Variants in LPP observed in about 807,000 individuals in gnomAD.
LPP encodes the protein LIM domain containing preferred translocation partner in lipoma.
Under a neutral mutation model 60.4 loss-of-function variants are expected in LPP, and 38 were observed. The observed-to-expected ratio is 0.63, with a 90% CI of 0.49 to 0.83. LPP has a LOEUF of 0.83. Ranked by LOEUF, LPP falls within the 40% of genes least tolerant of loss-of-function variation. The pLI is 0.00. For synonymous variants in LPP, 328 were observed against 290.8 expected, an observed-to-expected ratio of 1.13 and a Z score of -1.30; for missense variants, 902 against 783.6, an observed-to-expected ratio of 1.15 and a Z score of -1.80.
Position 188,609,996 on chromosome 3 carries a change from G to A in LPP, c.1113+152G>A. On this transcript the variant is annotated intron_variant, in intron 7 of 11. Coordinates refer to ENST00000617246, the MANE Select transcript of LPP (RefSeq NM_001375462.1). The surrounding 1 kb of genome is among the most constrained non-coding windows in gnomAD (Gnocchi z 6.9). The stretch of plus-strand genomic sequence containing the variant: ...GGGAAGGATGAGTGAAGCCAGAGAG[G>A]AGAGAGAGACTACTTAGTATGTTAC... The A allele has an allele frequency of 1.4e-6, 1 of 738,022 alleles. No homozygotes were observed. Among genetic ancestry groups the A allele is most frequent in the African/African-American group, 1.8e-5 (1 of 56,180 alleles). The allele number at this position is 738,022 out of a possible 1,614,324, so 45.7% of individuals were successfully genotyped here. A position where few individuals can be genotyped will look rare whatever the true frequency, so the allele number is the denominator to read the frequency against.
At chr3:188,271,264 C>T (rs1213097464) in intron 2 of LPP, among the ~76,000 whole-genome samples, 1 of 152,140 alleles carries the variant, frequency 6.6e-6, no homozygotes, top group African/African-American at 2.4e-5. Context: ...TTCACTTGCC[C>T]CTCTTATTGT....
In LPP at chr3:188,285,387, T is replaced by C. The variant is rs576171294; in HGVS notation, c.-66-56276T>C. ...CTTTTGCAGGGTGGGGTGTCTTGGA[T>C]AGTATGGTTACTGAATGTAGAATCT... On this transcript the variant is annotated intron_variant, in intron 2 of 11. Coordinates refer to ENST00000617246, the MANE Select transcript of LPP (RefSeq NM_001375462.1). Among the ~76,000 whole-genome samples the C allele has an allele frequency of 3.3e-5, 5 of 152,240 alleles. No homozygotes were observed. The South Asian group carries it at 8.3e-4, about 25-fold the overall frequency.
chr3:188,787,844 CT>C (rs1287657166), intron 9 of LPP, among the ~76,000 whole-genome samples: 1 of 152,200 alleles, frequency 6.6e-6, no homozygotes, highest in East Asian at 1.9e-4. Context: ...CATCTGTGTG[CT>C]GAGAACTCTC....
chr3:188,783,026 A>G (rs1740321082), intron 9 of LPP, among the ~76,000 whole-genome samples: 1 of 152,146 alleles, frequency 6.6e-6, no homozygotes, highest in Non-Finnish European at 1.5e-5. Context: ...CTATCAGATT[A>G]TCAGTTGCCA....
intron 3 of LPP, among the ~76,000 whole-genome samples, chr3:188,374,880 C>T (rs1774485927): frequency 6.6e-6 from 1 of 151,954 alleles, no homozygotes; most frequent in African/African-American, 2.4e-5. Context: ...AGATACGTCC[C>T]ATCAATACCT....
intron 2 of LPP, among the ~76,000 whole-genome samples, chr3:188,311,894 T>C (rs1355314910): frequency 6.6e-6 from 1 of 152,098 alleles, no homozygotes; most frequent in East Asian, 1.9e-4. Flanking sequence ...CTGCCTCGAC[T>C]TCCCAAAGTG....
At chr3:188,530,991 G>A (rs1183678591) in intron 6 of LPP, among the ~76,000 whole-genome samples, 1 of 152,150 alleles carries the variant, frequency 6.6e-6, no homozygotes, top group Non-Finnish European at 1.5e-5. Flanking sequence ...TTTTATCAGA[G>A]TTAGGGTACA....
In LPP at chr3:188,592,563, T is replaced by TTTTTTTTTTTTTTTTTTTTGGAG; in HGVS notation, c.430-16598_430-16597insTTTTTTTTTTTTTTTTTTTGGAG. ...TGTTTTTAGTTTTGTTTTTGTTTTTTAAATGGAGTCTCACTCTTTCTCCCA... is the reference window on the plus strand; with the variant it reads ...TGTTTTTAGTTTTGTTTTTGTTTTTTTTTTTTTTTTTTTTTTTTTGGAGAAATGGAGTCTCACTCTTTCTCCCA... On this transcript the variant is annotated intron_variant, in intron 6 of 11. Coordinates refer to ENST00000617246, the MANE Select transcript of LPP (RefSeq NM_001375462.1). Among the ~76,000 whole-genome samples, 4 of 77,226 alleles carry TTTTTTTTTTTTTTTTTTTTGGAG rather than the reference T, an allele frequency of 5.2e-5. 1 individual carries two copies. The highest frequency in any genetic ancestry group is 9.4e-5 in the African/African-American group (2 of 21,344). 50.7% of individuals were successfully genotyped at this position (77,226 alleles called of 152,430 possible).
rs114238269 is a variant in LPP, at chr3:188,390,445, C to T, written c.-9-15667C>T. On this transcript the variant is annotated intron_variant, in intron 3 of 11. Coordinates refer to ENST00000617246, the MANE Select transcript of LPP (RefSeq NM_001375462.1). ...CTCTGCTATTTACAAAATGCTCTTA[C>T]GTTTAGTATTTCACTTGATCAGCAT... Among the ~76,000 whole-genome samples the T allele has an allele frequency of 7.6e-3, 1,149 of 151,972 alleles. 11 individuals are homozygous for T. Among genetic ancestry groups the T allele is most frequent in the African/African-American group, 0.026 (1,077 of 41,442 alleles).
At chr3:188,811,378 A>ACACACACACG (rs1560237097) in intron 9 of LPP, among the ~76,000 whole-genome samples, 1 of 147,454 alleles carries the variant, frequency 6.8e-6, no homozygotes, top group African/African-American at 2.6e-5. Context: ...ACACACACAC[A>ACACACACACG]CACACACGCA....
At chr3:188,770,743 G>A (rs575820299) in intron 9 of LPP, among the ~76,000 whole-genome samples, 49 of 152,264 alleles carry the variant, frequency 3.2e-4, no homozygotes, top group African/African-American at 1.2e-3. Context: ...ACGTAGTGGG[G>A]TTGGTATGAG....
intron 4 of LPP, among the ~76,000 whole-genome samples, chr3:188,459,440 C>A (rs1798490296): frequency 6.6e-6 from 1 of 152,138 alleles, no homozygotes; most frequent in South Asian, 2.1e-4. Context: ...CAGCTGAGTT[C>A]TTGGTATCAC....
intron 4 of LPP, among the ~76,000 whole-genome samples, chr3:188,459,196 C>G (rs747790141): frequency 3.3e-5 from 5 of 152,120 alleles, no homozygotes; most frequent in Admixed American, 6.5e-5. Context: ...ACAGAGACTT[C>G]CGCCATTCCC....
chr3:188,611,012 G>C (rs1458921941), intron 7 of LPP, among the ~76,000 whole-genome samples: 1 of 152,174 alleles, frequency 6.6e-6, no homozygotes, highest in African/African-American at 2.4e-5. Flanking sequence ...TTTCAAGACA[G>C]ATCTATTCAC....
rs186211831 is a variant in LPP at position 188,547,437 on chromosome 3, A to G, written c.429+22650A>G. On this transcript the variant is annotated intron_variant, in intron 6 of 11. Coordinates refer to ENST00000617246, the MANE Select transcript of LPP (RefSeq NM_001375462.1). ...AACCCCTCAGGATAAAATCACACCAACCGTAAGTTACTTAGGCTCTCCAAG... is the reference window on the plus strand; with the variant it reads ...AACCCCTCAGGATAAAATCACACCAGCCGTAAGTTACTTAGGCTCTCCAAG... Among the ~76,000 whole-genome samples, 337 of 152,108 alleles carry G rather than the reference A, an allele frequency of 2.2e-3. 1 individual carries two copies. Among genetic ancestry groups the G allele is most frequent in the Non-Finnish European group, 3.8e-3 (257 of 67,986 alleles).
chr3:188,184,514 C>T (rs1725998956), intron 1 of LPP, among the ~76,000 whole-genome samples: 1 of 152,076 alleles, frequency 6.6e-6, no homozygotes, highest in Admixed American at 6.6e-5. Context: ...TTGAACTGGG[C>T]TTTGAAGGCT....
At chr3:188,219,672 T>C (rs1053182459) in intron 1 of LPP, among the ~76,000 whole-genome samples, 1 of 152,208 alleles carries the variant, frequency 6.6e-6, no homozygotes, top group African/African-American at 2.4e-5. Flanking sequence ...CTGCCCCTGG[T>C]ATCCAGGACC....
intron 2 of LPP, among the ~76,000 whole-genome samples, chr3:188,271,178 T>G: frequency 6.6e-6 from 1 of 152,226 alleles, no homozygotes; most frequent in East Asian, 1.9e-4. Flanking sequence ...TTGGATGCAT[T>G]ATGAATCTTC....
At chr3:188,227,346 C>T (rs1387276903) in intron 2 of LPP, among the ~76,000 whole-genome samples, 2 of 109,816 alleles carry the variant, frequency 1.8e-5, no homozygotes, top group Non-Finnish European at 3.6e-5. Flanking sequence ...CCTCCCCCCA[C>T]CCCACAACAG....
Sources: allele counts gnomAD v4.1 joint callset (sites outside exome capture counted in the v4.1 genomes callset), GRCh38; gene constraint gnomAD v4.1.1; non-coding constraint Gnocchi (gnomAD v3.1); transcripts MANE v1.5; gene names NCBI Gene and HGNC (gene_info 2026-07-23, HGNC 2026-07-21).